The following SLAIN2 variants were observed in gnomAD, a reference collection of about 807,000 sequenced individuals.
The protein encoded by SLAIN2 is SLAIN family member 2.
A neutral mutation model predicts 56.6 loss-of-function variants in SLAIN2; 31 were observed. That is an observed-to-expected ratio of 0.55 (90% CI 0.41 to 0.74). The LOEUF (loss-of-function observed/expected upper bound fraction) is 0.74, where lower values mean the gene tolerates loss of function less well. Ranked by LOEUF, SLAIN2 falls within the 30% of genes least tolerant of loss-of-function variation. The pLI is 0.00. For missense variants in SLAIN2, 777 were observed against 754.2 expected, an observed-to-expected ratio of 1.03 and a Z score of -0.35; for synonymous variants, 317 against 284.9, an observed-to-expected ratio of 1.11 and a Z score of -1.13.
At chr4:48,386,978 A>G (rs1186292174) in intron 6 of SLAIN2, among the ~76,000 whole-genome samples, 2 of 152,186 alleles carry the variant, frequency 1.3e-5, no homozygotes, top group Non-Finnish European at 2.9e-5. Flanking sequence ...ATCCAAAACA[A>G]TGTTTGTACT....
intron 1 of SLAIN2, among the ~76,000 whole-genome samples, chr4:48,351,640 A>C (rs1715012269): frequency 1.3e-5 from 2 of 152,252 alleles, no homozygotes; most frequent in Admixed American, 1.3e-4. Context: ...GAGGCTAACA[A>C]CCTTTATGTG....
rs927758600 is a variant in SLAIN2, at chr4:48,362,412, T to C, written c.390-7437T>C. On this transcript the variant is annotated intron_variant, in intron 1 of 7. Transcript: ENST00000264313. The stretch of plus-strand genomic sequence containing the variant: ...CTCTCTCTCTCTGTCTCTGTCTCCC[T>C]TTCTCTCTCTCTTTTTTTTTTTTTT... Among the ~76,000 whole-genome samples the C allele has an allele frequency of 1.3e-4, 19 of 151,468 alleles. 1 individual carries two copies. Among genetic ancestry groups the C allele is most frequent in the African/African-American group, 4.6e-4 (19 of 41,112 alleles).
intron 1 of SLAIN2, among the ~76,000 whole-genome samples, chr4:48,361,522 G>A (rs1715327805): frequency 1.3e-5 from 2 of 152,172 alleles, no homozygotes; most frequent in Non-Finnish European, 2.9e-5. Context: ...TTTAGCAAAA[G>A]AATACTAATA....
intron 1 of SLAIN2, among the ~76,000 whole-genome samples, chr4:48,367,118 A>T (rs899118523): frequency 4.6e-5 from 7 of 152,236 alleles, no homozygotes; most frequent in African/African-American, 1.7e-4. Flanking sequence ...AGACTTAAAC[A>T]ACTCTGTCCT....
chr4:48,377,246 G>A (rs1231124863), intron 2 of SLAIN2, among the ~76,000 whole-genome samples: 8 of 151,434 alleles, frequency 5.3e-5, no homozygotes, highest in African/African-American at 1.9e-4. Flanking sequence ...GCAGTGGCAC[G>A]ATCTCTGCTC....
chr4:48,354,594 G>A (rs769028125), intron 1 of SLAIN2, among the ~76,000 whole-genome samples: 5 of 151,788 alleles, frequency 3.3e-5, no homozygotes, highest in Non-Finnish European at 5.9e-5. Flanking sequence ...AGCCTCCCGA[G>A]TAGCTGGGAT....
In SLAIN2 at chr4:48,341,541, G is replaced by C. The variant is rs1160174160; in HGVS notation, c.-199G>C. 1 of 704,190 alleles carries C rather than the reference G, an allele frequency of 1.4e-6. No individual in the cohort carries two copies. The highest frequency in any genetic ancestry group is 2.1e-6 in the Non-Finnish European group (1 of 482,714). 43.6% of individuals were successfully genotyped at this position (704,190 alleles called of 1,614,324 possible). Reference sequence around the variant, plus strand: ...CGCCGCCTCCCCCAATCCCGGAGCCGGCGCAGATGAGGCAGTTCGGCTGGG... The same window carrying C: ...CGCCGCCTCCCCCAATCCCGGAGCCCGCGCAGATGAGGCAGTTCGGCTGGG... On this transcript the variant is annotated 5_prime_UTR_variant, in exon 1 of 8. Coordinates refer to ENST00000264313, the MANE Select transcript of SLAIN2 (RefSeq NM_020846.2).
Position 48,379,777 on chromosome 4 carries a change from A to G in SLAIN2, c.791A>G (p.Asp264Gly). The change falls in exon 4 of 8, where the codon GAT (aspartate) becomes GGT (glycine). Residue 264 changes from aspartate (D) to glycine (G), a missense_variant. Physicochemically the swap from Asp to Gly is moderately conservative, Grantham distance 94. Coordinates refer to ENST00000264313, the MANE Select transcript of SLAIN2 (RefSeq NM_020846.2). ...TTAAGTGCTTCAGAATTAGATGAAG[A>G]TTCAATTGGATCCAATTATAAGCTA... is the stretch of plus-strand genomic sequence containing the variant. ...SELSASELDEDSIGSNYKLND... is the reference protein window; with the variant it reads ...SELSASELDEGSIGSNYKLND... The G allele has an allele frequency of 6.3e-7, 1 of 1,599,402 alleles. No homozygotes were observed. Among genetic ancestry groups the G allele is most frequent in the South Asian group, 1.1e-5 (1 of 88,400 alleles).
intron 6 of SLAIN2, among the ~76,000 whole-genome samples, chr4:48,386,465 G>GAA (rs1381109265): frequency 6.6e-6 from 1 of 152,166 alleles, no homozygotes; most frequent in African/African-American, 2.4e-5. Context: ...TTTAGACCAT[G>GAA]ATATAAAACT....
chr4:48,376,733 TG>T (rs1715824582), intron 2 of SLAIN2, among the ~76,000 whole-genome samples: 1 of 147,712 alleles, frequency 6.8e-6, no homozygotes, highest in African/African-American at 2.5e-5. Context: ...GCCATTCTCC[TG>T]CCTCAGCCTC....
Position 48,422,715 on chromosome 4 carries a change from G to A in SLAIN2, c.*638G>A, listed in dbSNP as rs533794294. 8 of 152,332 alleles carry A rather than the reference G, an allele frequency of 5.3e-5. No homozygotes were observed. Among genetic ancestry groups the A allele is most frequent in the African/African-American group, 1.7e-4 (7 of 41,554 alleles). The allele number at this position is 152,332 out of a possible 1,614,324, so 9.4% of individuals were successfully genotyped here. A position where few individuals can be genotyped will look rare whatever the true frequency, so the allele number is the denominator to read the frequency against. The stretch of plus-strand genomic sequence containing the variant: ...AATTGTCATTTAATCTTAAGTTTTG[G>A]ATGTAGCTCACATGTCACCACCACC... On this transcript the variant is annotated 3_prime_UTR_variant, in exon 8 of 8. Transcript: ENST00000264313.
intron 6 of SLAIN2, among the ~76,000 whole-genome samples, chr4:48,409,193 C>T (rs958687048): frequency 3.3e-5 from 5 of 152,116 alleles, no homozygotes; most frequent in Admixed American, 2.6e-4. Context: ...TACAGACAAT[C>T]CAATTACACT....
Position 48,341,943 on chromosome 4 carries a change from C to T in SLAIN2, c.204C>T (p.Pro68=), listed in dbSNP as rs565075006. 4.1e-6 allele frequency: 6 copies of T among 1,478,506 alleles called. No individual in the cohort carries two copies. Among genetic ancestry groups the T allele is most frequent in the Middle Eastern group, 2.3e-4 (1 of 4,440 alleles). 91.6% of individuals were successfully genotyped at this position (1,478,506 alleles called of 1,614,324 possible). ...GCGCGGCGTCTCCTCGGGGCTTCCC[C>T]TTGGGCCTCAGCGCCAAGTCGGGCG... ...SSGAASPRGF[P]LGLSAKSGGG... Residue 68 remains proline, a synonymous_variant, in exon 1 of 8, where the codon CCC becomes CCT. Transcript: ENST00000264313.
intron 4 of SLAIN2, among the ~76,000 whole-genome samples, chr4:48,380,810 A>G (rs763237461): frequency 6.6e-6 from 1 of 152,150 alleles, no homozygotes; most frequent in Non-Finnish European, 1.5e-5. Context: ...GTTTAGTTCA[A>G]AAACTTTCTG....
chr4:48,405,116 T>C (rs1560463973), intron 6 of SLAIN2, among the ~76,000 whole-genome samples: 1 of 152,224 alleles, frequency 6.6e-6, no homozygotes, highest in African/African-American at 2.4e-5. Flanking sequence ...AACTTTGCTA[T>C]TTTTAAATAA....
At chr4:48,349,878 T>G (rs1026740461) in intron 1 of SLAIN2, among the ~76,000 whole-genome samples, 1 of 152,206 alleles carries the variant, frequency 6.6e-6, no homozygotes, top group African/African-American at 2.4e-5. Context: ...TGATAGCACA[T>G]TTTTGATAGA....
chr4:48,353,102 A>T lies in SLAIN2; in HGVS notation c.389+10974A>T, dbSNP rs568414509. ...CTTGTGGAACTGTAAGTCCAATTAA[A>T]CCTCTTTTGTAAATTGCCCAGTCTC... is the stretch of plus-strand genomic sequence containing the variant. On this transcript the variant is annotated intron_variant, in intron 1 of 7. Transcript: ENST00000264313. Among the ~76,000 whole-genome samples, 57 of 152,180 alleles carry T rather than the reference A, an allele frequency of 3.7e-4. 1 individual carries two copies. The South Asian group carries it at 0.012, about 31-fold the overall frequency.
At chr4:48,383,813 T>C in intron 6 of SLAIN2, 29 bp downstream of exon 6, 1 of 1,590,418 alleles carries the variant, frequency 6.3e-7, no homozygotes, top group Non-Finnish European at 8.6e-7. Flanking sequence ...CTTTCATGTA[T>C]CAGTTATTTA....
intron 6 of SLAIN2, 87 bp downstream of exon 6, chr4:48,383,871 T>C (rs1377847359): frequency 7.0e-7 from 1 of 1,429,692 alleles, no homozygotes. Flanking sequence ...AAAAACCGTT[T>C]TTTATGCTGA....
Sources: gnomAD v4.1 joint callset for allele counts (sites outside exome capture counted in the v4.1 genomes callset) on GRCh38, gnomAD v4.1.1 for gene constraint, MANE v1.5 for transcripts, NCBI Gene and HGNC (gene_info 2026-07-23, HGNC 2026-07-21) for gene names.